Variants in UTRN observed in about 807,000 individuals in gnomAD.
UTRN encodes the protein utrophin.
In UTRN, 283 loss-of-function variants were observed where a neutral mutation model predicts 463.9. The observed-to-expected ratio is 0.61, with a 90% CI of 0.55 to 0.67. The LOEUF (loss-of-function observed/expected upper bound fraction) is 0.67. Ranked by LOEUF, UTRN falls within the 30% of genes least tolerant of loss-of-function variation. The probability of loss-of-function intolerance (pLI) is 0.00; values close to 1 mark genes in which losing one functional copy is unlikely to be tolerated. For missense variants in UTRN, 3,922 were observed against 4,084.3 expected (o/e 0.96, Z 1.08); for synonymous variants, 1,442 against 1,431.5 (o/e 1.01, Z -0.17).
In UTRN at chr6:144,523,150, A is replaced by G; in HGVS notation, c.5868A>G (p.Lys1956=). ...ATACACTTACTCAGCTGAATGCAAA[A>G]TGGGACAGAATTAATAGAATGTACA... ...IRDTLTQLNA[K]WDRINRMYSD... Residue 1956 remains lysine, a synonymous_variant, in exon 41 of 75, where the codon AAA becomes AAG. Transcript: ENST00000367545. 6.2e-7 allele frequency: 1 copy of G among 1,612,558 alleles called. No homozygotes were observed. Among genetic ancestry groups the G allele is most frequent in the Non-Finnish European group, 8.5e-7 (1 of 1,179,352 alleles).
rs776178557 is a variant in UTRN at position 144,499,329 on chromosome 6, C to G, written c.4666C>G (p.Leu1556Val). ...GAAAATGAAGAAAGAGGCTGCTTCT[C>G]TCTCTGAATGGCTTTCTGCTACTGA... ...ARKMKKEAAS[L>V]SEWLSATETE... The change falls in exon 34 of 75, where the codon CTC (leucine) becomes GTC (valine). Residue 1556 changes from leucine to valine, a missense_variant. This residue lies in a region of UTRN where 2,349 missense variants were observed against 2,303.8 expected (regional missense o/e 1.02). Coordinates refer to ENST00000367545, the MANE Select transcript of UTRN (RefSeq NM_007124.3). 2 of 1,613,900 alleles carry G rather than the reference C, an allele frequency of 1.2e-6. No individual in the cohort carries two copies. The highest frequency in any genetic ancestry group is 1.1e-5 in the South Asian group (1 of 91,026).
intron 10 of UTRN, 107 bp downstream of exon 10, chr6:144,436,245 A>C (rs1160829295): frequency 9.4e-6 from 11 of 1,175,572 alleles, no homozygotes; most frequent in Non-Finnish European, 1.3e-5. Flanking sequence ...TTCTTTGGAA[A>C]GGTCAATGGT....
At chr6:144,490,449 C>T (rs944935565) in intron 31 of UTRN, among the ~76,000 whole-genome samples, 11 of 152,164 alleles carry the variant, frequency 7.2e-5, no homozygotes, top group Non-Finnish European at 1.5e-4. Flanking sequence ...TAGAAGTTAG[C>T]TTTATATACA....
At chr6:144,427,063 T>C (rs1785360486) in intron 7 of UTRN, among the ~76,000 whole-genome samples, 1 of 152,204 alleles carries the variant, frequency 6.6e-6, no homozygotes, top group Non-Finnish European at 1.5e-5. Flanking sequence ...GTGTTTTTGC[T>C]ATATAAGAAT....
intron 51 of UTRN, among the ~76,000 whole-genome samples, chr6:144,599,575 T>TTA (rs1475131805): frequency 6.6e-6 from 1 of 152,138 alleles, no homozygotes; most frequent in Non-Finnish European, 1.5e-5. Flanking sequence ...ATACAGCAAA[T>TTA]CACTTATAAT....
intron 73 of UTRN, among the ~76,000 whole-genome samples, chr6:144,845,403 C>G (rs6900570): frequency 6.6e-6 from 1 of 151,910 alleles, no homozygotes; most frequent in African/African-American, 2.4e-5. Flanking sequence ...TATTTTTGAC[C>G]CACAGGCATA....
chr6:144,386,802 T>C lies in UTRN; in HGVS notation c.80-16321T>C, dbSNP rs75677962. Among the ~76,000 whole-genome samples the C allele has an allele frequency of 6.4e-3, 971 of 152,160 alleles. 11 individuals are homozygous for C. Among genetic ancestry groups the C allele is most frequent in the African/African-American group, 0.022 (921 of 41,512 alleles). ...AATTTAATTATTAAAATGACTCTTC[T>C]TCCTTTTTTTATGATCTTACATTTT... On this transcript the variant is annotated intron_variant, in intron 2 of 74. Coordinates refer to ENST00000367545, the MANE Select transcript of UTRN (RefSeq NM_007124.3).
intron 60 of UTRN, among the ~76,000 whole-genome samples, chr6:144,780,060 G>A (rs975738903): frequency 4.6e-5 from 7 of 151,882 alleles, no homozygotes; most frequent in African/African-American, 1.7e-4. Context: ...ATAATTCTGT[G>A]TTACTCAGAC....
At chr6:144,439,278 G>C (rs992718508) in intron 12 of UTRN, among the ~76,000 whole-genome samples, 2 of 152,110 alleles carry the variant, frequency 1.3e-5, no homozygotes, top group Admixed American at 6.5e-5. Context: ...AACCAAAATT[G>C]GGTGGGCAAT....
chr6:144,618,683 C>T (rs1775030861), intron 51 of UTRN, among the ~76,000 whole-genome samples: 1 of 152,052 alleles, frequency 6.6e-6, no homozygotes, highest in Non-Finnish European at 1.5e-5. Context: ...TTTGTGCCTA[C>T]TATGTACTTG....
intron 14 of UTRN, among the ~76,000 whole-genome samples, chr6:144,445,193 A>G (rs891409471): frequency 7.2e-5 from 11 of 152,070 alleles, no homozygotes; most frequent in African/African-American, 2.7e-4. Context: ...TCCACTAAAA[A>G]TATAAAAATA....
intron 26 of UTRN, among the ~76,000 whole-genome samples, chr6:144,481,685 T>C (rs1791882684): frequency 6.6e-6 from 1 of 152,226 alleles, no homozygotes; most frequent in African/African-American, 2.4e-5. Flanking sequence ...ACACTGCTGT[T>C]ATGAAATGAA....
At chr6:144,519,525 C>A (rs981189741) in intron 39 of UTRN, among the ~76,000 whole-genome samples, 2 of 152,038 alleles carry the variant, frequency 1.3e-5, no homozygotes, top group Non-Finnish European at 2.9e-5. Context: ...GTTTCTGTGT[C>A]CTTGGAGAAT....
chr6:144,836,637 C>A lies in UTRN; in HGVS notation c.10065+96C>A, dbSNP rs947445158. The A allele has an allele frequency of 6.6e-6, 10 of 1,513,854 alleles. No individual in the cohort carries two copies. The Admixed American group carries it at 1.3e-4, about 19-fold the overall frequency. 93.8% of individuals were successfully genotyped at this position (1,513,854 alleles called of 1,614,324 possible). A position where few individuals can be genotyped will look rare whatever the true frequency, so the allele number is the denominator to read the frequency against. ...AGGTGTCAGGAGAGGCAGAGAAGTC[C>A]ACTTTCAATTTCTTACCTCCGTAGT... is the stretch of plus-strand genomic sequence containing the variant. On this transcript the variant is annotated intron_variant, in intron 71 of 74. Coordinates refer to ENST00000367545, the MANE Select transcript of UTRN (RefSeq NM_007124.3).
At chr6:144,660,262 CA>C (rs1445786285) in intron 51 of UTRN, 1 of 471,162 alleles carries the variant, frequency 2.1e-6, no homozygotes, top group Non-Finnish European at 4.4e-6. Flanking sequence ...GAACTGCTGA[CA>C]AAATTTGAAA....
At chr6:144,600,519 G>A (rs1804134602) in intron 51 of UTRN, among the ~76,000 whole-genome samples, 1 of 152,218 alleles carries the variant, frequency 6.6e-6, no homozygotes, top group Non-Finnish European at 1.5e-5. Context: ...TTAAGCCAAA[G>A]CCTAATCCAG....
At position 144,461,347 on chromosome 6, in the gene UTRN, CAT is replaced by C. The variant is rs1562435957; in HGVS notation, c.2853+10_2853+11del. On this transcript the variant is annotated splice_donor_region_variant and intron_variant, in intron 22 of 74. Coordinates refer to ENST00000367545, the MANE Select transcript of UTRN (RefSeq NM_007124.3). ...AAGGCCCTGCAAGAAAAAAAGGTAA[CAT>C]ATATCTTCCATGTTAGAACTCTAGC... The C allele has an allele frequency of 6.5e-7, 1 of 1,544,474 alleles. No individual in the cohort carries two copies. The highest frequency in any genetic ancestry group is 1.9e-5 in the Admixed American group (1 of 51,650).
intron 2 of UTRN, among the ~76,000 whole-genome samples, chr6:144,357,978 T>A (rs1778720957): frequency 6.6e-6 from 1 of 152,212 alleles, no homozygotes; most frequent in South Asian, 2.1e-4. Flanking sequence ...ATACACTAGT[T>A]TGATTCAAGC....
At chr6:144,755,099 T>C (rs1464970401) in intron 57 of UTRN, among the ~76,000 whole-genome samples, 2 of 152,188 alleles carry the variant, frequency 1.3e-5, no homozygotes, top group Non-Finnish European at 2.9e-5. Context: ...GCAAAGATTA[T>C]GAACTTTTTC....
Sources: allele counts gnomAD v4.1 joint callset (sites outside exome capture counted in the v4.1 genomes callset), GRCh38; gene constraint gnomAD v4.1.1; regional missense constraint gnomAD v4.1.1; transcripts MANE v1.5; gene names NCBI Gene and HGNC (gene_info 2026-07-23, HGNC 2026-07-21).